CAPS2: variants seen among roughly 807,000 people sequenced by gnomAD.
The protein encoded by CAPS2 is calcyphosin-2.
Under a neutral mutation model 86.5 loss-of-function variants are expected in CAPS2, and 98 were observed. That is an observed-to-expected ratio of 1.13 (90% CI 0.96 to 1.34). CAPS2 has a LOEUF of 1.34. Ranked by LOEUF, CAPS2 falls within the 40% of genes most tolerant of loss-of-function variation. The pLI is 0.00. For synonymous variants in CAPS2, 210 were observed against 225.1 expected, an observed-to-expected ratio of 0.93 and a Z score of 0.60; for missense variants, 729 against 686.8, an observed-to-expected ratio of 1.06 and a Z score of -0.69.
intron 7 of CAPS2, chr12:75,306,179 G>T: frequency 1.2e-6 from 1 of 834,086 alleles, no homozygotes; most frequent in South Asian, 1.5e-5. Flanking sequence ...CTGAAGTACC[G>T]GCCCGGCCCC....
chr12:75,276,338 A>C (rs1444030114), downstream of CAPS2: 1 of 1,473,132 alleles, frequency 6.8e-7, no homozygotes. Context: ...CATAATCTGC[A>C]GTAAACATAG....
chr12:75,349,660 T>A (rs994934752), intron 1 of CAPS2, among the ~76,000 whole-genome samples: 2 of 152,142 alleles, frequency 1.3e-5, no homozygotes, highest in South Asian at 2.1e-4. Flanking sequence ...TGTCTGAGAT[T>A]TTTTAGAAGT....
upstream of CAPS2, chr12:75,334,678 C>T (rs2041588920): frequency 1.0e-5 from 16 of 1,576,994 alleles, no homozygotes; most frequent in Non-Finnish European, 1.4e-5. Context: ...TTGCCCCAGC[C>T]GTTACTGGTC....
chr12:75,308,421 C>T lies in CAPS2; in HGVS notation c.660-3545G>A, dbSNP rs1002217707. On this transcript the variant is annotated intron_variant, in intron 7 of 16. Transcript: ENST00000393284. ...CCCCAGAAAATTCTGCAATCAGGCC[C>T]TTGAGCCACTTGCGTGGGCTGCTCC... Among the ~76,000 whole-genome samples the T allele has an allele frequency of 2.0e-5, 3 of 152,268 alleles. No homozygotes were observed. In the East Asian group the frequency reaches 5.8e-4, roughly 29 times the overall value.
At chr12:75,291,786 T>C in exon 13 of CAPS2, 1 of 1,563,420 alleles carries the variant, frequency 6.4e-7, no homozygotes, top group South Asian at 1.2e-5. Flanking sequence ...GTTTCTTGAA[T>C]GATTATATCA....
chr12:75,347,601 T>C, intron 1 of CAPS2: 4 of 1,505,700 alleles, frequency 2.7e-6, no homozygotes, highest in Non-Finnish European at 3.7e-6. Context: ...TATTTTATCT[T>C]GACATTCCTT....
intron 1 of CAPS2, among the ~76,000 whole-genome samples, chr12:75,356,018 T>C (rs2043134967): frequency 6.6e-6 from 1 of 152,100 alleles, no homozygotes; most frequent in Non-Finnish European, 1.5e-5. Flanking sequence ...CAAAAATAGC[T>C]AACGCATGCT....
intron 1 of CAPS2, among the ~76,000 whole-genome samples, chr12:75,369,109 A>G (rs2044187697): frequency 1.3e-5 from 2 of 151,974 alleles, no homozygotes; most frequent in African/African-American, 4.8e-5. Flanking sequence ...TTATATATGT[A>G]GACCTTGGAG....
chr12:75,276,587 A>G (rs1160504023), downstream of CAPS2: 21 of 972,032 alleles, frequency 2.2e-5, no homozygotes, highest in Admixed American at 1.2e-3. Flanking sequence ...GCAAATATGT[A>G]TGTCCTTTCC....
At chr12:75,358,253 A>G (rs2043285084) in intron 1 of CAPS2, among the ~76,000 whole-genome samples, 1 of 151,916 alleles carries the variant, frequency 6.6e-6, no homozygotes, top group South Asian at 2.1e-4. Context: ...TTCAAAAGAC[A>G]AAAATTACAC....
downstream of CAPS2, chr12:75,276,135 T>G: frequency 6.8e-7 from 1 of 1,462,012 alleles, no homozygotes; most frequent in East Asian, 2.6e-5. Flanking sequence ...CTGCAGATTG[T>G]CTTTGCTCTT....
rs146995808 is a variant in CAPS2 at position 75,298,613 on chromosome 12, C to T, written c.1044+74G>A. 318 of 1,107,386 alleles carry T rather than the reference C, an allele frequency of 2.9e-4. 2 individuals carry two copies. In the African/African-American group the frequency reaches 4.2e-3, roughly 15 times the overall value. 68.6% of individuals were successfully genotyped at this position (1,107,386 alleles called of 1,614,324 possible). A position where few individuals can be genotyped will look rare whatever the true frequency, so the allele number is the denominator to read the frequency against. On this transcript the variant is annotated intron_variant, in intron 11 of 16. Coordinates refer to ENST00000393284, the Ensembl canonical transcript of CAPS2. ...AATAAATTGAAGACTAGAAGCCCTACTCCTCCACCTCCATGGGACTCCACA... is the reference window on the plus strand; with the variant it reads ...AATAAATTGAAGACTAGAAGCCCTATTCCTCCACCTCCATGGGACTCCACA...
At chr12:75,284,423 G>C (rs1012493405) in intron 15 of CAPS2, among the ~76,000 whole-genome samples, 2 of 152,048 alleles carry the variant, frequency 1.3e-5, no homozygotes, top group South Asian at 4.1e-4. Flanking sequence ...ATTAAAGTCA[G>C]TACTCCTGTT....
intron 1 of CAPS2, chr12:75,390,175 G>A (rs1033746773): frequency 2.7e-6 from 1 of 369,444 alleles, no homozygotes; most frequent in Non-Finnish European, 5.3e-6. Flanking sequence ...TCCATGCTTA[G>A]AATTTAAAGT....
intron 1 of CAPS2, chr12:75,390,417 G>T (rs2045526582): frequency 2.2e-6 from 1 of 455,944 alleles, no homozygotes. Flanking sequence ...TTTAACCTTT[G>T]AAGAGTTTGG....
intron 12 of CAPS2, among the ~76,000 whole-genome samples, chr12:75,292,732 A>T (rs2036207950): frequency 6.8e-6 from 1 of 147,780 alleles, no homozygotes; most frequent in Non-Finnish European, 1.5e-5. Context: ...TATCACAGGA[A>T]TATATATTTT....
chr12:75,279,521 A>G (rs1355889646), intron 16 of CAPS2, among the ~76,000 whole-genome samples: 1 of 151,932 alleles, frequency 6.6e-6, no homozygotes, highest in East Asian at 1.9e-4. Flanking sequence ...TACTCAAACC[A>G]TTTGTCTAAT....
At chr12:75,289,624 T>G in exon 14 of CAPS2, 1 of 1,609,866 alleles carries the variant, frequency 6.2e-7, no homozygotes, top group Non-Finnish European at 8.5e-7. Flanking sequence ...CACATACCTT[T>G]TCAGACACTT....
At chr12:75,373,631 C>T (rs1338448972) in intron 1 of CAPS2, 3 of 152,220 alleles carry the variant, frequency 2.0e-5, no homozygotes, top group African/African-American at 7.2e-5. Context: ...AAGAAAGGGG[C>T]TATGGTGCTA....
Sources: gnomAD v4.1 joint callset for allele counts (sites outside exome capture counted in the v4.1 genomes callset) on GRCh38, gnomAD v4.1.1 for gene constraint, MANE v1.5 for transcripts, NCBI Gene and HGNC (gene_info 2026-07-23, HGNC 2026-07-21) for gene names.